Variants in CECR2 observed in about 807,000 individuals in gnomAD.
CECR2 encodes the protein CECR2 histone acetyl-lysine reader.
In CECR2, 30 loss-of-function variants were observed where a neutral mutation model predicts 154.5. That is an observed-to-expected ratio of 0.19 (90% CI 0.15 to 0.26). The LOEUF (loss-of-function observed/expected upper bound fraction) is 0.26, where lower values mean the gene tolerates loss of function less well. Ranked by LOEUF, CECR2 falls within the 10% of genes least tolerant of loss-of-function variation. CECR2 has a pLI of 1.00. For missense variants in CECR2, 1,743 were observed against 1,829.3 expected (o/e 0.95, Z 0.86); for synonymous variants, 725 against 683.7 (o/e 1.06, Z -0.94).
chr22:17,450,374 G>A (rs995909553), intron 1 of CECR2, among the ~76,000 whole-genome samples: 5 of 152,168 alleles, frequency 3.3e-5, no homozygotes, highest in East Asian at 1.9e-4. Flanking sequence ...GTGTTCAAGC[G>A]ATTCTCCTGC....
At chr22:17,363,397 G>A (rs576975083) in intron 1 of CECR2, among the ~76,000 whole-genome samples, 39 of 152,086 alleles carry the variant, frequency 2.6e-4, no homozygotes, top group Admixed American at 4.6e-4. Context: ...TAGTAGACAC[G>A]GACATTCACC....
intron 1 of CECR2, among the ~76,000 whole-genome samples, chr22:17,469,806 C>T (rs2055094663): frequency 6.6e-6 from 1 of 152,200 alleles, no homozygotes; most frequent in South Asian, 2.1e-4. Context: ...TCTTCTCTTG[C>T]ATGCCTGCTG....
intron 9 of CECR2, among the ~76,000 whole-genome samples, chr22:17,532,835 A>G (rs961830405): frequency 6.9e-6 from 1 of 144,238 alleles, no homozygotes; most frequent in African/African-American, 2.6e-5. Flanking sequence ...CTCCTGCCTC[A>G]GCCTCCAAAG....
chr22:17,424,337 A>G, intron 1 of CECR2: 1 of 163,312 alleles, frequency 6.1e-6, no homozygotes, highest in Non-Finnish European at 1.4e-5. Flanking sequence ...TGGGAATCTC[A>G]TGGTCATGTA....
chr22:17,451,048 G>T (rs1411173564), intron 1 of CECR2, among the ~76,000 whole-genome samples: 1 of 152,228 alleles, frequency 6.6e-6, no homozygotes, highest in Non-Finnish European at 1.5e-5. Context: ...CCCACTCCGT[G>T]TCAAAGAGGA....
In CECR2 at chr22:17,412,534, G is replaced by A. The variant is rs573654491; in HGVS notation, c.126+42625G>A. Among the ~76,000 whole-genome samples the A allele has an allele frequency of 2.0e-5, 3 of 152,082 alleles. No individual in the cohort carries two copies. The East Asian group carries it at 5.8e-4, about 29-fold the overall frequency. On this transcript the variant is annotated intron_variant, in intron 1 of 18. Coordinates refer to ENST00000262608, the MANE Select transcript of CECR2 (RefSeq NM_001290047.2). ...AGCATTTGCTGATTTTCACATTCTGGGGAGACATAAGGGCTGTCTCCGCCC... is the reference window on the plus strand; with the variant it reads ...AGCATTTGCTGATTTTCACATTCTGAGGAGACATAAGGGCTGTCTCCGCCC...
chr22:17,426,412 A>G (rs530386343), intron 1 of CECR2, among the ~76,000 whole-genome samples: 3 of 151,890 alleles, frequency 2.0e-5, no homozygotes, highest in South Asian at 2.1e-4. Flanking sequence ...GCTGGAGTGC[A>G]GTGGCGCGAT....
chr22:17,382,137 G>A (rs537630828), intron 1 of CECR2, among the ~76,000 whole-genome samples: 31 of 151,660 alleles, frequency 2.0e-4, no homozygotes, highest in Admixed American at 6.6e-4. Context: ...TGATCCGCCC[G>A]CCTTGGCCTC....
At chr22:17,508,582 C>G (rs2055887086) in intron 7 of CECR2, among the ~76,000 whole-genome samples, 1 of 151,912 alleles carries the variant, frequency 6.6e-6, no homozygotes, top group Non-Finnish European at 1.5e-5. Context: ...TAGACTACAC[C>G]ATCTAGGAGT....
At chr22:17,390,624 G>T (rs2146503104) in intron 1 of CECR2, among the ~76,000 whole-genome samples, 1 of 151,782 alleles carries the variant, frequency 6.6e-6, no homozygotes, top group Non-Finnish European at 1.5e-5. Flanking sequence ...TAAACCAGGT[G>T]TTTTTATTTT....
intron 3 of CECR2, among the ~76,000 whole-genome samples, chr22:17,498,480 C>G (rs193288863): frequency 6.7e-4 from 102 of 152,116 alleles, no homozygotes; most frequent in South Asian, 5.0e-3. Flanking sequence ...GTTCCATCAT[C>G]AGTGATTAAA....
intron 7 of CECR2, among the ~76,000 whole-genome samples, chr22:17,506,500 C>G (rs1463163231): frequency 6.6e-6 from 1 of 152,210 alleles, no homozygotes; most frequent in Non-Finnish European, 1.5e-5. Flanking sequence ...CGTCCATGAA[C>G]TGTCCTTGTT....
intron 8 of CECR2, among the ~76,000 whole-genome samples, chr22:17,520,032 A>G (rs1199229756): frequency 6.6e-6 from 1 of 151,628 alleles, no homozygotes; most frequent in Non-Finnish European, 1.5e-5. Flanking sequence ...CTCATGATCC[A>G]CCCACCTTGG....
intron 5 of CECR2, 74 bp downstream of exon 5, chr22:17,500,809 A>G (rs900874332): frequency 9.0e-7 from 1 of 1,108,358 alleles, no homozygotes; most frequent in Non-Finnish European, 1.3e-6. Context: ...CTTTTTCTTT[A>G]TTTTGCCTGT....
intron 1 of CECR2, among the ~76,000 whole-genome samples, chr22:17,415,726 G>T (rs116444080): frequency 6.6e-6 from 1 of 152,172 alleles, no homozygotes; most frequent in Non-Finnish European, 1.5e-5. Flanking sequence ...GAAATGGAAG[G>T]TTTGTGTTTT....
chr22:17,451,827 A>T (rs1395354990), intron 1 of CECR2, among the ~76,000 whole-genome samples: 1 of 152,238 alleles, frequency 6.6e-6, no homozygotes, highest in Admixed American at 6.5e-5. Flanking sequence ...TATGAACTCC[A>T]TGGCATTCCA....
chr22:17,494,006 T>TA (rs2055576248), intron 2 of CECR2, among the ~76,000 whole-genome samples: 1 of 152,264 alleles, frequency 6.6e-6, no homozygotes, highest in Admixed American at 6.5e-5. Flanking sequence ...ATGCGGTAGA[T>TA]AAAGAGATTT....
intron 1 of CECR2, among the ~76,000 whole-genome samples, chr22:17,394,800 G>C (rs1056719223): frequency 3.3e-5 from 5 of 152,044 alleles, no homozygotes; most frequent in African/African-American, 1.2e-4. Flanking sequence ...CATTTATTTA[G>C]ATCTTTGATT....
chr22:17,407,566 G>A (rs1429171967), intron 1 of CECR2, among the ~76,000 whole-genome samples: 1 of 151,782 alleles, frequency 6.6e-6, no homozygotes, highest in African/African-American at 2.4e-5. Flanking sequence ...CTGCACACCA[G>A]CCTGGGCAAT....
Sources: allele counts gnomAD v4.1 joint callset (sites outside exome capture counted in the v4.1 genomes callset), GRCh38; gene constraint gnomAD v4.1.1; transcripts MANE v1.5; gene names NCBI Gene and HGNC (gene_info 2026-07-23, HGNC 2026-07-21).